The following CEP128 variants were observed in gnomAD, a reference collection of about 807,000 sequenced individuals.
CEP128 encodes centrosomal protein 128kDa.
CEP128 carries 132 observed loss-of-function variants against 156.7 expected under a neutral mutation model. The ratio of observed to expected loss-of-function variants is 0.84; its 90% CI spans 0.73 to 0.97. CEP128 has a LOEUF of 0.97. Ranked by LOEUF, CEP128 falls within the 50% of genes least tolerant of loss-of-function variation. The pLI is 0.00. For synonymous variants in CEP128, 469 were observed against 448.9 expected, an observed-to-expected ratio of 1.04 and a Z score of -0.57; for missense variants, 1,252 against 1,281.9, an observed-to-expected ratio of 0.98 and a Z score of 0.36.
chr14:80,663,383 A>G (rs965921419), intron 19 of CEP128, among the ~76,000 whole-genome samples: 4 of 152,218 alleles, frequency 2.6e-5, no homozygotes, highest in African/African-American at 9.6e-5. Flanking sequence ...TCCAGGGAGA[A>G]GTAGCAAAAG....
intron 2 of CEP128, among the ~76,000 whole-genome samples, chr14:80,948,941 T>C (rs971374671): frequency 3.9e-5 from 6 of 152,220 alleles, no homozygotes; most frequent in African/African-American, 1.4e-4. Flanking sequence ...ACTGAAACTG[T>C]AGGCATAAGA....
intron 9 of CEP128, 152 bp downstream of exon 9, chr14:80,862,605 T>C: frequency 1.8e-6 from 1 of 563,114 alleles, no homozygotes; most frequent in East Asian, 3.0e-5. Context: ...ACCAGGGAGG[T>C]CTGATTCTAT....
intron 8 of CEP128, among the ~76,000 whole-genome samples, chr14:80,885,505 A>T (rs921116478): frequency 1.3e-5 from 2 of 152,212 alleles, no homozygotes; most frequent in African/African-American, 4.8e-5. Flanking sequence ...GTGGACCTCC[A>T]GCAAACTCCA....
intron 19 of CEP128, among the ~76,000 whole-genome samples, chr14:80,723,848 G>A (rs1897913620): frequency 6.6e-6 from 1 of 152,206 alleles, no homozygotes. Flanking sequence ...CAGGTCACTT[G>A]AGAACAGATG....
At chr14:80,817,487 T>C (rs976588931) in intron 13 of CEP128, among the ~76,000 whole-genome samples, 2 of 152,148 alleles carry the variant, frequency 1.3e-5, no homozygotes, top group African/African-American at 4.8e-5. Context: ...TTTTTTAAAA[T>C]GTAAGATAAT....
intron 19 of CEP128, among the ~76,000 whole-genome samples, chr14:80,698,893 T>TCATTTCA (rs1896976063): frequency 6.6e-6 from 1 of 152,176 alleles, no homozygotes; most frequent in African/African-American, 2.4e-5. Flanking sequence ...AATCCTAATG[T>TCATTTCA]CATTTCATTC....
chr14:80,579,421 A>T (rs371076445), intron 20 of CEP128, among the ~76,000 whole-genome samples: 1 of 152,050 alleles, frequency 6.6e-6, no homozygotes, highest in African/African-American at 2.4e-5. Context: ...CTTTTACTGG[A>T]TGTATAAACT....
At chr14:80,545,568 T>A (rs372341732) in intron 21 of CEP128, among the ~76,000 whole-genome samples, 2 of 152,158 alleles carry the variant, frequency 1.3e-5, no homozygotes, top group African/African-American at 4.8e-5. Flanking sequence ...TGAAGTTAGA[T>A]CTGACAAATT....
intron 13 of CEP128, among the ~76,000 whole-genome samples, chr14:80,808,089 T>C (rs758404880): frequency 6.6e-6 from 1 of 152,154 alleles, no homozygotes; most frequent in African/African-American, 2.4e-5. Flanking sequence ...CCACCACCAG[T>C]AGTGGCACAA....
chr14:80,684,019 C>A (rs566785426), intron 19 of CEP128, among the ~76,000 whole-genome samples: 93 of 152,166 alleles, frequency 6.1e-4, no homozygotes, highest in South Asian at 1.0e-3. Flanking sequence ...TTAACAATCT[C>A]ACTTCACACC....
At chr14:80,492,970 T>A (rs891310948), downstream of CEP128, among the ~76,000 whole-genome samples, 12 of 152,198 alleles carry the variant, frequency 7.9e-5, no homozygotes, top group South Asian at 4.1e-4. Flanking sequence ...CTTTTAAAAA[T>A]ATATATATAT....
At chr14:80,536,870 A>C (rs1161917074) in intron 21 of CEP128, among the ~76,000 whole-genome samples, 1 of 152,200 alleles carries the variant, frequency 6.6e-6, no homozygotes, top group Non-Finnish European at 1.5e-5. Context: ...GGTCTAAAAA[A>C]TCAGATGCCC....
chr14:80,913,461 T>A (rs1167074090), intron 4 of CEP128, among the ~76,000 whole-genome samples: 1 of 152,226 alleles, frequency 6.6e-6, no homozygotes, highest in Non-Finnish European at 1.5e-5. Flanking sequence ...TGTAAATACA[T>A]AGAAAATGTT....
chr14:80,730,815 G>C (rs116937907), intron 19 of CEP128, among the ~76,000 whole-genome samples: 1 of 152,098 alleles, frequency 6.6e-6, no homozygotes, highest in Admixed American at 6.6e-5. Context: ...AGAAATGAAA[G>C]GTTTGATCTT....
chr14:80,591,611 A>C (rs1015846685), intron 19 of CEP128, among the ~76,000 whole-genome samples: 1 of 152,190 alleles, frequency 6.6e-6, no homozygotes, highest in Non-Finnish European at 1.5e-5. Context: ...ACAGAAAATT[A>C]ACAAGGATAT....
intron 20 of CEP128, among the ~76,000 whole-genome samples, chr14:80,578,866 T>C (rs1442273888): frequency 6.6e-6 from 1 of 152,164 alleles, no homozygotes; most frequent in African/African-American, 2.4e-5. Flanking sequence ...CTAGTTACCA[T>C]TACAAAGTGT....
At chr14:80,792,375 TAAATA>T (rs1901753402) in intron 14 of CEP128, among the ~76,000 whole-genome samples, 1 of 152,158 alleles carries the variant, frequency 6.6e-6, no homozygotes, top group African/African-American at 2.4e-5. Flanking sequence ...TGAAAATATA[TAAATA>T]AATGAGATTT....
intron 19 of CEP128, among the ~76,000 whole-genome samples, chr14:80,622,058 C>T (rs575516518): frequency 6.6e-6 from 1 of 152,178 alleles, no homozygotes; most frequent in Non-Finnish European, 1.5e-5. Context: ...ATGGAATTGC[C>T]TCCTTAACTT....
chr14:80,722,864 T>TC (rs1325505814), intron 19 of CEP128, among the ~76,000 whole-genome samples: 1 of 146,720 alleles, frequency 6.8e-6, no homozygotes, highest in African/African-American at 2.5e-5. Flanking sequence ...TCTTGCTCTG[T>TC]CGCCCAGGCT....
Sources: allele counts gnomAD v4.1 joint callset (sites outside exome capture counted in the v4.1 genomes callset), GRCh38; gene constraint gnomAD v4.1.1; transcripts MANE v1.5; gene names NCBI Gene and HGNC (gene_info 2026-07-23, HGNC 2026-07-21).